Variants in CPXM1 observed in about 807,000 individuals in gnomAD.
The protein encoded by CPXM1 is probable carboxypeptidase X1.
Under a neutral mutation model 80.4 loss-of-function variants are expected in CPXM1, and 72 were observed. The ratio of observed to expected loss-of-function variants is 0.90; its 90% CI spans 0.74 to 1.09. CPXM1 has a LOEUF of 1.09. Among genes scored for constraint, CPXM1 ranks in the 50% least tolerant of loss-of-function variants. CPXM1 has a pLI of 0.00. For synonymous variants in CPXM1, 403 were observed against 405.6 expected, an observed-to-expected ratio of 0.99 and a Z score of 0.08; for missense variants, 892 against 999.4, an observed-to-expected ratio of 0.89 and a Z score of 1.45.
chr20:2,799,606 C>G (rs1421825105), intron 1 of CPXM1, among the ~76,000 whole-genome samples: 1 of 149,970 alleles, frequency 6.7e-6, no homozygotes, highest in Non-Finnish European at 1.5e-5. Context: ...CTTGGCAGCC[C>G]TCTCTCTCTC....
intron 1 of CPXM1, 48 bp from the exon 2 acceptor site, chr20:2,798,941 C>T: frequency 6.3e-7 from 1 of 1,579,326 alleles, no homozygotes; most frequent in Non-Finnish European, 8.6e-7. Flanking sequence ...AATGGTGAAA[C>T]CCCGGATGGA....
intron 5 of CPXM1, 106 bp from the exon 6 acceptor site, chr20:2,797,448 T>A: frequency 7.9e-7 from 1 of 1,258,746 alleles, no homozygotes; most frequent in Non-Finnish European, 1.1e-6. Context: ...CCCACCCTAG[T>A]GGGCTCAGCT....
Position 2,800,389 on chromosome 20 carries a change from C to A in CPXM1, c.172+12G>T, listed in dbSNP as rs759487105. 2.0e-6 allele frequency: 3 copies of A among 1,516,882 alleles called. No individual in the cohort carries two copies. Among genetic ancestry groups the A allele is most frequent in the South Asian group, 2.5e-5 (2 of 79,230 alleles). The allele number at this position is 1,516,882 out of a possible 1,614,324, so 94.0% of individuals were successfully genotyped here. A position where few individuals can be genotyped will look rare whatever the true frequency, so the allele number is the denominator to read the frequency against. On this transcript the variant is annotated intron_variant, in intron 1 of 13. Transcript: ENST00000380605. ...GCTTGCGGGGGAGCGGACCGTCGGT[C>A]GGGGAACTCACCGTTAGCTGTCTCC...
In CPXM1 at chr20:2,796,237, G is replaced by A. The variant is rs2088506495; in HGVS notation, c.1242+10C>T. 2 of 1,612,764 alleles carry A rather than the reference G, an allele frequency of 1.2e-6. No homozygotes were observed. Among genetic ancestry groups the A allele is most frequent in the African/African-American group, 1.3e-5 (1 of 74,912 alleles). ...GAAGGACAGAGTGGCCCTCATGCTG[G>A]GTGGCCTACCCGGTGGTAGGCGATC... On this transcript the variant is annotated intron_variant, in intron 9 of 13. Coordinates refer to ENST00000380605, the MANE Select transcript of CPXM1 (RefSeq NM_019609.5). The surrounding 1 kb of genome is among the most constrained non-coding windows in gnomAD (Gnocchi z 6.8).
Position 2,798,077 on chromosome 20 carries a change from A to G in CPXM1, c.591-19T>C. ...GTCATACCTGGCAGGAGAGGTGGAG[A>G]GAGATCATCGGTGCCCCCAGGACTC... is the stretch of plus-strand genomic sequence containing the variant. On this transcript the variant is annotated intron_variant, in intron 4 of 13. Coordinates refer to ENST00000380605, the MANE Select transcript of CPXM1 (RefSeq NM_019609.5). 6.2e-7 allele frequency: 1 copy of G among 1,613,932 alleles called. No individual in the cohort carries two copies.
chr20:2,797,105 T>C lies in CPXM1; in HGVS notation c.833-11A>G. ...ATAGGTCATTGGGGTCTGGTGGAGG[T>C]TGAGTTTATGGTAAAGGGTGTGTCC... On this transcript the variant is annotated splice_polypyrimidine_tract_variant and intron_variant, in intron 6 of 13. Coordinates refer to ENST00000380605, the MANE Select transcript of CPXM1 (RefSeq NM_019609.5). The C allele has an allele frequency of 6.2e-7, 1 of 1,613,232 alleles. No individual in the cohort carries two copies. The highest frequency in any genetic ancestry group is 1.3e-5 in the African/African-American group (1 of 74,732).
intron 1 of CPXM1, among the ~76,000 whole-genome samples, 162 bp downstream of exon 1, chr20:2,800,239 G>C (rs968065262): frequency 6.6e-6 from 1 of 152,168 alleles, no homozygotes; most frequent in Non-Finnish European, 1.5e-5. Context: ...GTGCGCGCGC[G>C]TGTGTGCGCG....
rs1011528614 is a variant in CPXM1 at position 2,795,529 on chromosome 20, C to T, written c.1720+70G>A. ...AGTGGGAACAGACGCCAGCACTGTA[C>T]GCAACCGCAGGCTGTCTTATCAGGG... On this transcript the variant is annotated intron_variant, in intron 11 of 13. Transcript: ENST00000380605. This position sits in a 1 kb window ranked among gnomAD's most constrained non-coding sequence, Gnocchi z 5.4. The T allele has an allele frequency of 8.2e-6, 13 of 1,587,264 alleles. No individual in the cohort carries two copies. The highest frequency in any genetic ancestry group is 1.7e-5 in the Admixed American group (1 of 58,994).
rs373345558 is a variant in CPXM1, at chr20:2,795,791, T to C, written c.1528A>G (p.Met510Val). The change falls in exon 11 of 14, where the codon ATG (methionine) becomes GTG (valine). Residue 510 changes from methionine to valine, a missense_variant. Physicochemically the swap from Met to Val is conservative, Grantham distance 21. This residue lies in a region of CPXM1 where 874 missense variants were observed against 958.4 expected (regional missense o/e 0.91). Coordinates refer to ENST00000380605, the MANE Select transcript of CPXM1 (RefSeq NM_019609.5). The surrounding 1 kb of genome is among the most constrained non-coding windows in gnomAD (Gnocchi z 5.4). ...CGGGCAGCCCACGGGGTGCGAGTCA[T>C]GTCGAATGGGTAGGACACCACGAGC... ...GELVVSYPFDMTRTPWAAREL... is the reference protein window; with the variant it reads ...GELVVSYPFDVTRTPWAAREL... 9 of 1,612,620 alleles carry C rather than the reference T, an allele frequency of 5.6e-6. No homozygotes were observed. The highest frequency in any genetic ancestry group is 7.6e-6 in the Non-Finnish European group (9 of 1,180,016).
rs1297312907 is a variant in CPXM1, at chr20:2,797,208, C to T, written c.816G>A (p.Leu272=). ...GGAPCLRAEI[L]ACPVSDPNDL... is the part of the protein sequence containing the mutation. ...ACTGCCCACCTGAGACTGGGCAGGC[C>T]AGGATCTCTGCCCGGAGGCAAGGCG... is the stretch of plus-strand genomic sequence containing the variant. Residue 272 remains leucine, a synonymous_variant, in exon 6 of 14, where the codon CTG becomes CTA. Coordinates refer to ENST00000380605, the MANE Select transcript of CPXM1 (RefSeq NM_019609.5). 19 of 1,586,790 alleles carry T rather than the reference C, an allele frequency of 1.2e-5. No individual in the cohort carries two copies. Among genetic ancestry groups the T allele is most frequent in the Non-Finnish European group, 1.6e-5 (19 of 1,162,954 alleles).
At chr20:2,800,220 TG>T (rs1317500638) in intron 1 of CPXM1, among the ~76,000 whole-genome samples, 180 bp downstream of exon 1, 1 of 150,344 alleles carries the variant, frequency 6.7e-6, no homozygotes, top group African/African-American at 2.4e-5. Flanking sequence ...CGTGTGTGAA[TG>T]TGTGTGAGTG....
In CPXM1 at chr20:2,795,803, A is replaced by T; in HGVS notation, c.1516T>A (p.Tyr506Asn). The T allele has an allele frequency of 1.9e-6, 3 of 1,612,324 alleles. No individual in the cohort carries two copies. Among genetic ancestry groups the T allele is most frequent in the Non-Finnish European group, 2.5e-6 (3 of 1,180,014 alleles). The change falls in exon 11 of 14, where the codon TAC becomes AAC. Residue 506 changes from tyrosine to asparagine, a missense_variant. Coordinates refer to ENST00000380605, the MANE Select transcript of CPXM1 (RefSeq NM_019609.5). This position sits in a 1 kb window ranked among gnomAD's most constrained non-coding sequence, Gnocchi z 5.4. ...NLHGGELVVS[Y>N]PFDMTRTPWA... ...GGGGTGCGAGTCATGTCGAATGGGT[A>T]GGACACCACGAGCTCACCCCCGTGG...
In CPXM1 at chr20:2,797,232, C is replaced by T. The variant is rs750146849; in HGVS notation, c.792G>A (p.Ala264=). The change falls in exon 6 of 14, where the codon GCG becomes GCA. Residue 264 remains alanine (A), a synonymous_variant. Coordinates refer to ENST00000380605, the MANE Select transcript of CPXM1 (RefSeq NM_019609.5). ...LLPQTWLQGG[A]PCLRAEILAC... is the part of the protein sequence containing the mutation. Reference sequence around the variant, plus strand: ...CCAGGATCTCTGCCCGGAGGCAAGGCGCGCCTCCCTGGAGCCAGGTCTGGG... The same window carrying T: ...CCAGGATCTCTGCCCGGAGGCAAGGTGCGCCTCCCTGGAGCCAGGTCTGGG... 3.8e-6 allele frequency: 6 copies of T among 1,572,980 alleles called. No individual in the cohort carries two copies. Among genetic ancestry groups the T allele is most frequent in the East Asian group, 2.3e-5 (1 of 43,542 alleles).
At position 2,798,709 on chromosome 20, in the gene CPXM1, C is replaced by T; in HGVS notation, c.340+17G>A. The T allele has an allele frequency of 6.2e-7, 1 of 1,606,124 alleles. No homozygotes were observed. The highest frequency in any genetic ancestry group is 1.1e-5 in the South Asian group (1 of 90,338). Reference sequence around the variant, plus strand: ...CAGGGGCTGCAAGTCTGGGCTGGGCCCCTGGAGAGGAAGTACCTGTTTCTT... The same window carrying T: ...CAGGGGCTGCAAGTCTGGGCTGGGCTCCTGGAGAGGAAGTACCTGTTTCTT... On this transcript the variant is annotated intron_variant, in intron 2 of 13. Coordinates refer to ENST00000380605, the MANE Select transcript of CPXM1 (RefSeq NM_019609.5).
At position 2,798,012 on chromosome 20, in the gene CPXM1, G is replaced by A. The variant is rs770503107; in HGVS notation, c.637C>T (p.Arg213Trp). ...SYKVQFSNDS[R>W]TWWGSRNHSS... ...TGGTTCCTACTTCCCCACCAGGTCC[G>A]ACTGTCATTGCTGAACTGGACCTTG... Residue 213 changes from arginine to tryptophan, a missense_variant, in exon 5 of 14, where the codon CGG becomes TGG. Physicochemically the swap from Arg to Trp is moderately radical, Grantham distance 101. Transcript: ENST00000380605. 2.5e-6 allele frequency: 4 copies of A among 1,614,020 alleles called. No homozygotes were observed. Among genetic ancestry groups the A allele is most frequent in the South Asian group, 2.2e-5 (2 of 91,078 alleles).
chr20:2,795,857 G>A lies in CPXM1; in HGVS notation c.1462C>T (p.Arg488Trp), dbSNP rs559989068. 12 of 1,611,978 alleles carry A rather than the reference G, an allele frequency of 7.4e-6. No individual in the cohort carries two copies. Among genetic ancestry groups the A allele is most frequent in the African/African-American group, 5.3e-5 (4 of 75,020 alleles). Residue 488 changes from arginine (R) to tryptophan (W), a missense_variant, in exon 11 of 14, where the codon CGG becomes TGG. Coordinates refer to ENST00000380605, the MANE Select transcript of CPXM1 (RefSeq NM_019609.5). The surrounding 1 kb of genome is among the most constrained non-coding windows in gnomAD (Gnocchi z 5.4). ...TTGGCACTTAGCACAAAGGGGATCC[G>A]CTTCATCCACTTGATTACTGCCCGC... ...ETRAVIKWMK[R>W]IPFVLSANLH...
rs1437243957 is a variant in CPXM1 at position 2,795,925 on chromosome 20, A to G, written c.1423-29T>C. On this transcript the variant is annotated intron_variant, in intron 10 of 13. Transcript: ENST00000380605. This position sits in a 1 kb window ranked among gnomAD's most constrained non-coding sequence, Gnocchi z 5.4. ...GATGGGGCAGGTCAGGAGGGGCAGG[A>G]GACAGAGACAAGGTCCGCCCCCCAC... 2 of 1,603,716 alleles carry G rather than the reference A, an allele frequency of 1.2e-6. No homozygotes were observed. Among genetic ancestry groups the G allele is most frequent in the Non-Finnish European group, 1.7e-6 (2 of 1,172,780 alleles).
rs778460841 is a variant in CPXM1 at position 2,796,639 on chromosome 20, C to G, written c.933G>C (p.Gln311His). Residue 311 changes from glutamine to histidine, a missense_variant, in exon 8 of 14, where the codon CAG (glutamine) becomes CAC (histidine). Gln to His is a conservative substitution (Grantham distance 24). Coordinates refer to ENST00000380605, the MANE Select transcript of CPXM1 (RefSeq NM_019609.5). The surrounding 1 kb of genome is among the most constrained non-coding windows in gnomAD (Gnocchi z 6.8). ...NYKAMRKLMK[Q>H]VQEQCPNITR... Reference sequence around the variant, plus strand: ...TGATGTTGGGGCATTGCTCTTGTACCTGCTTCATCAGCTGGTGGGCAGAGT... The same window carrying G: ...TGATGTTGGGGCATTGCTCTTGTACGTGCTTCATCAGCTGGTGGGCAGAGT... 6.2e-7 allele frequency: 1 copy of G among 1,614,122 alleles called. No homozygotes were observed. Among genetic ancestry groups the G allele is most frequent in the Admixed American group, 1.7e-5 (1 of 60,026 alleles).
rs1310331849 is a variant in CPXM1, at chr20:2,795,370, A to G, written c.1767T>C (p.Thr589=). The change falls in exon 12 of 14, where the codon ACT becomes ACC. Residue 589 remains threonine, a synonymous_variant. Transcript: ENST00000380605. This position sits in a 1 kb window ranked among gnomAD's most constrained non-coding sequence, Gnocchi z 5.4. ...SYLHTNCFEV[T]VELSCDKFPH... is the part of the protein sequence containing the mutation. The stretch of plus-strand genomic sequence containing the variant: ...GGAACTTGTCACAGGACAGCTCCAC[A>G]GTGACCTCAAAGCAGTTGGTGTGTA... 6 of 1,614,172 alleles carry G rather than the reference A, an allele frequency of 3.7e-6. No homozygotes were observed. Among genetic ancestry groups the G allele is most frequent in the Non-Finnish European group, 5.1e-6 (6 of 1,180,014 alleles).
Sources: allele counts gnomAD v4.1 joint callset (sites outside exome capture counted in the v4.1 genomes callset), GRCh38; gene constraint gnomAD v4.1.1; regional missense constraint gnomAD v4.1.1; non-coding constraint Gnocchi (gnomAD v3.1); transcripts MANE v1.5; gene names NCBI Gene and HGNC (gene_info 2026-07-23, HGNC 2026-07-21).